The following SPTB variants were observed in gnomAD, a reference collection of about 807,000 sequenced individuals.
The protein encoded by SPTB is spectrin beta chain, erythrocytic.
In SPTB, 45 loss-of-function variants were observed where a neutral mutation model predicts 256.2. The observed-to-expected ratio is 0.18, with a 90% CI of 0.14 to 0.23. The LOEUF is 0.23. SPTB is among the 10% of genes least tolerant of loss of function. SPTB has a pLI of 1.00. For synonymous variants in SPTB, 1,231 were observed against 1,243.1 expected (o/e 0.99, Z 0.21); for missense variants, 2,715 against 3,040.4 (o/e 0.89, Z 2.52).
At position 64,775,186 on chromosome 14, in the gene SPTB, T is replaced by C; in HGVS notation, c.4781A>G (p.Asp1594Gly). ...NEAQQYYLDA[D>G]EAEAWIGEQE... ...CTCGCCAATCCAGGCCTCAGCCTCG[T>C]CTGCATCCAGGTAGTACTGCTGTGC... Residue 1594 changes from aspartate (D) to glycine (G), a missense_variant, in exon 23 of 36, where the codon GAC (aspartate) becomes GGC (glycine). By Grantham distance (94) the Asp-to-Gly change is moderately conservative. Coordinates refer to ENST00000644917, the MANE Select transcript of SPTB (RefSeq NM_001355436.2). The surrounding 1 kb of genome is among the most constrained non-coding windows in gnomAD (Gnocchi z 5.0). The C allele has an allele frequency of 6.2e-7, 1 of 1,613,962 alleles. No individual in the cohort carries two copies. Among genetic ancestry groups the C allele is most frequent in the South Asian group, 1.1e-5 (1 of 91,090 alleles).
At chr14:64,799,083 G>A (rs1203012749) in intron 9 of SPTB, among the ~76,000 whole-genome samples, 3 of 150,930 alleles carry the variant, frequency 2.0e-5, no homozygotes, top group Admixed American at 2.0e-4. Context: ...GTATAGTTAG[G>A]TGTATGTGTA....
At chr14:64,801,924 G>A in intron 5 of SPTB, 90 bp from the exon 6 acceptor site, 3 of 1,287,846 alleles carry the variant, frequency 2.3e-6, no homozygotes, top group Non-Finnish European at 3.4e-6. Context: ...TACCAGGAGA[G>A]AAATGGAACT....
chr14:64,860,815 C>A (rs1181975548), intron 1 of SPTB, among the ~76,000 whole-genome samples: 1 of 152,092 alleles, frequency 6.6e-6, no homozygotes, highest in East Asian at 1.9e-4. Context: ...TGTGGCGATT[C>A]CTAAAGGATC....
At chr14:64,757,851 A>C (rs2082037141) in intron 32 of SPTB, among the ~76,000 whole-genome samples, 1 of 152,176 alleles carries the variant, frequency 6.6e-6, no homozygotes. Flanking sequence ...AGGCCCTGTG[A>C]GCAGAGACAC....
intron 1 of SPTB, among the ~76,000 whole-genome samples, chr14:64,872,978 A>T (rs1882627232): frequency 6.6e-6 from 1 of 152,156 alleles, no homozygotes; most frequent in Non-Finnish European, 1.5e-5. Flanking sequence ...TAAATTACTC[A>T]GTCTCTGGTA....
chr14:64,750,530 C>T (rs1007145541), intron 33 of SPTB, among the ~76,000 whole-genome samples: 2 of 152,046 alleles, frequency 1.3e-5, no homozygotes, highest in Non-Finnish European at 2.9e-5. Flanking sequence ...AATCCCAGCA[C>T]TTTGGGAGGC....
At chr14:64,791,902 G>A in intron 14 of SPTB, 46 bp from the exon 15 acceptor site, 2 of 1,612,670 alleles carry the variant, frequency 1.2e-6, no homozygotes, top group South Asian at 1.1e-5. Flanking sequence ...GGCGGCAGCA[G>A]ACATTTCCTT....
rs547320097 is a variant in SPTB at position 64,785,344 on chromosome 14, C to T, written c.3855+193G>A. On this transcript the variant is annotated intron_variant, in intron 18 of 35. Coordinates refer to ENST00000644917, the MANE Select transcript of SPTB (RefSeq NM_001355436.2). The surrounding 1 kb of genome is among the most constrained non-coding windows in gnomAD (Gnocchi z 4.4). ...ACTTGACAGGTTAAGGATGACTTTTCAGATTTGAAAAAAAAAAAACAGTGC... is the reference window on the plus strand; with the variant it reads ...ACTTGACAGGTTAAGGATGACTTTTTAGATTTGAAAAAAAAAAAACAGTGC... Among the ~76,000 whole-genome samples the T allele has an allele frequency of 2.0e-5, 3 of 149,754 alleles. No individual in the cohort carries two copies. The East Asian group carries it at 5.8e-4, about 29-fold the overall frequency.
chr14:64,833,602 G>A (rs2083480281), intron 1 of SPTB, among the ~76,000 whole-genome samples: 1 of 151,702 alleles, frequency 6.6e-6, no homozygotes, highest in Non-Finnish European at 1.5e-5. Flanking sequence ...ATCCCCTGCA[G>A]TAGGTGGAGG....
At chr14:64,808,747 A>G (rs1427589751) in intron 2 of SPTB, among the ~76,000 whole-genome samples, 1 of 152,184 alleles carries the variant, frequency 6.6e-6, no homozygotes, top group African/African-American at 2.4e-5. Flanking sequence ...CATAATAAAT[A>G]AGTGGCAGTT....
chr14:64,787,181 C>T lies in SPTB; in HGVS notation c.2805-21G>A, dbSNP rs763184429. ...GCCACCTGCCGGATGGGGACACAGC[C>T]CGGAGGAGAGAGACACCTTCTCCCT... On this transcript the variant is annotated intron_variant, in intron 15 of 35. Transcript: ENST00000644917. 2.5e-6 allele frequency: 4 copies of T among 1,601,312 alleles called. No homozygotes were observed. In the East Asian group the frequency reaches 8.9e-5, roughly 36 times the overall value.
At position 64,760,976 on chromosome 14, in the gene SPTB, A is replaced by C. The variant is rs960468194; in HGVS notation, c.6345+5750T>G. On this transcript the variant is annotated intron_variant, in intron 32 of 35. Coordinates refer to ENST00000644917, the MANE Select transcript of SPTB (RefSeq NM_001355436.2). The surrounding 1 kb of genome is among the most constrained non-coding windows in gnomAD (Gnocchi z 4.3). ...ACCTGCCCGATGGGGTTCACAGTCTAAATGAGATGATCCTGGCTTATGCAA... is the reference window on the plus strand; with the variant it reads ...ACCTGCCCGATGGGGTTCACAGTCTCAATGAGATGATCCTGGCTTATGCAA... Among the ~76,000 whole-genome samples the C allele has an allele frequency of 6.6e-6, 1 of 152,214 alleles. No homozygotes were observed. The highest frequency in any genetic ancestry group is 1.5e-5 in the Non-Finnish European group (1 of 68,034).
chr14:64,835,335 G>A (rs420614), intron 1 of SPTB, among the ~76,000 whole-genome samples: 8,765 of 152,146 alleles, frequency 0.058, 908 homozygotes, highest in African/African-American at 0.2. Flanking sequence ...TGAAACCTCC[G>A]CCTCTTGGGT....
intron 2 of SPTB, among the ~76,000 whole-genome samples, chr14:64,821,982 T>A (rs957755089): frequency 1.3e-5 from 2 of 151,818 alleles, no homozygotes; most frequent in African/African-American, 4.8e-5. Flanking sequence ...AACCTTCAAT[T>A]TGGGCCATAA....
In SPTB at chr14:64,852,384, G is replaced by T. The variant is rs752051249; in HGVS notation, c.-52+27408C>A. ...AGATAAGGCTGGGGGCCAGACAAGG[G>T]GAACCTGAGCAGTGGGGAGTCAGTG... On this transcript the variant is annotated intron_variant, in intron 1 of 35. Coordinates refer to ENST00000644917, the MANE Select transcript of SPTB (RefSeq NM_001355436.2). The surrounding 1 kb of genome is among the most constrained non-coding windows in gnomAD (Gnocchi z 4.2). Among the ~76,000 whole-genome samples the T allele has an allele frequency of 2.0e-5, 3 of 152,166 alleles. No individual in the cohort carries two copies. Among genetic ancestry groups the T allele is most frequent in the African/African-American group, 7.2e-5 (3 of 41,430 alleles).
Position 64,793,459 on chromosome 14 carries a change from C to T in SPTB, c.2204G>A (p.Cys735Tyr). The T allele has an allele frequency of 6.2e-7, 1 of 1,614,094 alleles. No homozygotes were observed. ...WDQLKDLAAFCKKNLQDAENF... is the reference protein window; with the variant it reads ...WDQLKDLAAFYKKNLQDAENF... Reference sequence around the variant, plus strand: ...CTCAGCATCCTGGAGGTTCTTCTTGCAGAAGGCAGCCAGGTCCTTCAGCTG... The same window carrying T: ...CTCAGCATCCTGGAGGTTCTTCTTGTAGAAGGCAGCCAGGTCCTTCAGCTG... The change falls in exon 14 of 36, where the codon TGC becomes TAC. Residue 735 changes from cysteine (C) to tyrosine (Y), a missense_variant. Physicochemically the swap from Cys to Tyr is radical, Grantham distance 194. Around this residue, in one of 4 missense-constraint regions of SPTB, gnomAD observed 2,239 missense variants for 2,384.4 expected, o/e 0.94. Coordinates refer to ENST00000644917, the MANE Select transcript of SPTB (RefSeq NM_001355436.2). The surrounding 1 kb of genome is among the most constrained non-coding windows in gnomAD (Gnocchi z 7.0).
intron 32 of SPTB, chr14:64,756,828 A>C (rs1280854761): frequency 6.6e-6 from 1 of 152,210 alleles, no homozygotes; most frequent in Non-Finnish European, 1.5e-5. Flanking sequence ...GGTTGTGGCC[A>C]GGCCACTCCT....
intron 22 of SPTB, among the ~76,000 whole-genome samples, chr14:64,776,637 T>C (rs1438566542): frequency 6.6e-6 from 1 of 152,206 alleles, no homozygotes; most frequent in Non-Finnish European, 1.5e-5. Flanking sequence ...AGATGGGCTT[T>C]TGCCATGTTG....
At chr14:64,839,903 G>T (rs904576769) in intron 1 of SPTB, among the ~76,000 whole-genome samples, 2 of 152,138 alleles carry the variant, frequency 1.3e-5, no homozygotes, top group African/African-American at 4.8e-5. Context: ...TTAAGCTACA[G>T]AAATTAAAGA....
Sources: allele counts gnomAD v4.1 joint callset (sites outside exome capture counted in the v4.1 genomes callset), GRCh38; gene constraint gnomAD v4.1.1; regional missense constraint gnomAD v4.1.1; non-coding constraint Gnocchi (gnomAD v3.1); transcripts MANE v1.5; gene names NCBI Gene and HGNC (gene_info 2026-07-23, HGNC 2026-07-21).